DNAH9: variants seen among roughly 807,000 people sequenced by gnomAD.
DNAH9 encodes the protein dynein axonemal heavy chain 9.
DNAH9 carries 345 observed loss-of-function variants against 471.6 expected under a neutral mutation model. The observed-to-expected ratio is 0.73, with a 90% CI of 0.67 to 0.80. DNAH9 has a LOEUF of 0.80. Ranked by LOEUF, DNAH9 falls within the 30% of genes least tolerant of loss-of-function variation. DNAH9 has a pLI of 0.00. For synonymous variants in DNAH9, 2,093 were observed against 2,123.6 expected (o/e 0.99, Z 0.40); for missense variants, 5,407 against 5,609.2 (o/e 0.96, Z 1.15).
Position 11,606,443 on chromosome 17 carries a change from C to CTTTTTTTTTTT in DNAH9, c.418-1682_418-1681insTTTTTTTTTTT, listed in dbSNP as rs1404986645. Among the ~76,000 whole-genome samples, 524 of 69,106 alleles carry CTTTTTTTTTTT rather than the reference C, an allele frequency of 7.6e-3. 44 individuals are homozygous for CTTTTTTTTTTT. Among genetic ancestry groups the CTTTTTTTTTTT allele is most frequent in the Non-Finnish European group, 8.6e-3 (342 of 39,694 alleles). 45.3% of individuals were successfully genotyped at this position (69,106 alleles called of 152,430 possible). ...CTGACAACTTTCTTTCTTTTCTTTT[C>CTTTTTTTTTTT]TTTTCTTTTCTTTTTTTTTTTTTTG... On this transcript the variant is annotated intron_variant, in intron 1 of 68. Coordinates refer to ENST00000262442, the MANE Select transcript of DNAH9 (RefSeq NM_001372.4).
At chr17:11,815,198 TG>T (rs2150933197) in intron 45 of DNAH9, among the ~76,000 whole-genome samples, 1 of 18,602 alleles carries the variant, frequency 5.4e-5, no homozygotes, top group Non-Finnish European at 9.3e-4. Flanking sequence ...GGTAATAAAC[TG>T]TTTTTTTTTT....
chr17:11,694,861 CTTCCTTCCTTCTTTCT>C (rs1263209903), intron 22 of DNAH9, among the ~76,000 whole-genome samples: 1 of 444 alleles, frequency 2.3e-3, no homozygotes, highest in South Asian at 0.062. Context: ...TCCTTCCTTC[CTTCCTTCCTTCTTTCT>C]TTCTTTCTTT....
At position 11,756,655 on chromosome 17, in the gene DNAH9, C is replaced by A. The variant is rs1567778272; in HGVS notation, c.6826C>A (p.Pro2276Thr). The A allele has an allele frequency of 6.2e-7, 1 of 1,610,800 alleles. No individual in the cohort carries two copies. The highest frequency in any genetic ancestry group is 8.5e-7 in the Non-Finnish European group (1 of 1,176,986). ...GATCAGCCACCTGCGCACAGCCACT[C>A]CAGCAACTGTCTCTAGAGCAGGTAC... ...FEISHLRTAT[P>T]ATVSRAGILY... The change falls in exon 34 of 69, where the codon CCA becomes ACA. Residue 2276 changes from proline to threonine, a missense_variant. Coordinates refer to ENST00000262442, the MANE Select transcript of DNAH9 (RefSeq NM_001372.4).
At chr17:11,674,085 A>G (rs1022139843) in intron 17 of DNAH9, among the ~76,000 whole-genome samples, 14 of 152,182 alleles carry the variant, frequency 9.2e-5, no homozygotes, top group African/African-American at 3.1e-4. Flanking sequence ...CCTTAGATTA[A>G]TGTACCACAA....
intron 50 of DNAH9, among the ~76,000 whole-genome samples, chr17:11,862,800 C>A (rs1332991774): frequency 6.8e-6 from 1 of 146,760 alleles, no homozygotes; most frequent in African/African-American, 2.5e-5. Context: ...TGGGGGTTCA[C>A]TCATGATTTG....
rs554701984 is a variant in DNAH9, at chr17:11,617,571, G to T, written c.1065G>T (p.Pro355=). Residue 355 remains proline, a synonymous_variant, in exon 5 of 69, where the codon CCG becomes CCT. Transcript: ENST00000262442. ...IWATCKSYRS[P]GRLTVLLQEI... ...CCACATGCAAGTCCTACCGCTCCCC[G>T]GGAAGGCTGACTGTGCTGCTCCAGG... 4 of 1,613,950 alleles carry T rather than the reference G, an allele frequency of 2.5e-6. No homozygotes were observed. Among genetic ancestry groups the T allele is most frequent in the Non-Finnish European group, 3.4e-6 (4 of 1,180,030 alleles).
At chr17:11,956,086 T>C (rs1975623872) in intron 67 of DNAH9, among the ~76,000 whole-genome samples, 1 of 152,018 alleles carries the variant, frequency 6.6e-6, no homozygotes, top group African/African-American at 2.4e-5. Flanking sequence ...GCACAGCTGA[T>C]TACCAAAACA....
At chr17:11,895,075 A>G (rs1973180002) in intron 59 of DNAH9, among the ~76,000 whole-genome samples, 1 of 152,242 alleles carries the variant, frequency 6.6e-6, no homozygotes, top group Non-Finnish European at 1.5e-5. Flanking sequence ...CACGCTTACC[A>G]GAAGCCCAGA....
intron 26 of DNAH9, among the ~76,000 whole-genome samples, chr17:11,716,962 GA>G (rs1309457937): frequency 6.6e-6 from 1 of 152,246 alleles, no homozygotes; most frequent in Non-Finnish European, 1.5e-5. Context: ...CCTGGAGCCA[GA>G]AACTCAAGAG....
In DNAH9 at chr17:11,871,674, G is replaced by A. The variant is rs1972266726; in HGVS notation, c.10130G>A (p.Cys3377Tyr). The A allele has an allele frequency of 6.2e-7, 1 of 1,614,090 alleles. No homozygotes were observed. Among genetic ancestry groups the A allele is most frequent in the Non-Finnish European group, 8.5e-7 (1 of 1,180,044 alleles). The change falls in exon 52 of 69, where the codon TGT becomes TAT. Residue 3377 changes from cysteine (C) to tyrosine (Y), a missense_variant. Transcript: ENST00000262442. ...QNFKQQERTL[C>Y]GDILLITAFI... is the part of the protein sequence containing the mutation. Reference sequence around the variant, plus strand: ...TTCAAACAGCAGGAAAGGACGTTATGTGGAGACATTTTACTTATAACGGCT... The same window carrying A: ...TTCAAACAGCAGGAAAGGACGTTATATGGAGACATTTTACTTATAACGGCT...
Position 11,694,381 on chromosome 17 carries a change from G to C in DNAH9, c.4806G>C (p.Pro1602=), listed in dbSNP as rs145118078. The C allele has an allele frequency of 1.9e-6, 3 of 1,613,462 alleles. No individual in the cohort carries two copies. The South Asian group carries it at 3.3e-5, about 18-fold the overall frequency. Reference sequence around the variant, plus strand: ...TCGACACCAAGAGGCTTGCCTTCCCGCGGTTTTACTTTCTCTCCTCCTCCG... The same window carrying C: ...TCGACACCAAGAGGCTTGCCTTCCCCCGGTTTTACTTTCTCTCCTCCTCCG... ...EYLDTKRLAF[P]RFYFLSSSDL... The change falls in exon 22 of 69, where the codon CCG becomes CCC. Residue 1602 remains proline, a synonymous_variant. Coordinates refer to ENST00000262442, the MANE Select transcript of DNAH9 (RefSeq NM_001372.4).
intron 4 of DNAH9, among the ~76,000 whole-genome samples, chr17:11,614,049 A>G (rs1325000291): frequency 6.6e-6 from 1 of 152,204 alleles, no homozygotes; most frequent in Non-Finnish European, 1.5e-5. Context: ...GTGCCAGATA[A>G]ACACTACCAT....
intron 41 of DNAH9, among the ~76,000 whole-genome samples, chr17:11,792,728 C>T (rs1969107834): frequency 6.6e-6 from 1 of 152,176 alleles, no homozygotes; most frequent in African/African-American, 2.4e-5. Flanking sequence ...CAATTGTTAT[C>T]TGAATCAGTT....
rs773842478 is a variant in DNAH9 at position 11,805,523 on chromosome 17, CTTTTTTTTTTTTTTTTTTTTT to C, written c.8421-2187_8421-2167del. Reference sequence around the variant, plus strand: ...TATTTGGCCAAACTTTACCCGAGTTCTTTTTTTTTTTTTTTTTTTTTTTTTTTTTTTTTTTTTTTTTTGAGA... The same window carrying C: ...TATTTGGCCAAACTTTACCCGAGTTCTTTTTTTTTTTTTTTTTTTTTGAGA... On this transcript the variant is annotated intron_variant, in intron 43 of 68. Transcript: ENST00000262442. 3.1e-4 allele frequency among the ~76,000 whole-genome samples: 16 copies of C among 52,092 alleles called. No homozygotes were observed. In the East Asian group the frequency reaches 6.2e-3, roughly 20 times the overall value. The allele number at this position is 52,092 out of a possible 152,430, so 34.2% of individuals were successfully genotyped here. A position where few individuals can be genotyped will look rare whatever the true frequency, so the allele number is the denominator to read the frequency against.
chr17:11,766,511 G>A (rs1035948270), intron 36 of DNAH9, among the ~76,000 whole-genome samples: 8 of 152,112 alleles, frequency 5.3e-5, no homozygotes, highest in Admixed American at 2.0e-4. Flanking sequence ...AAAATGAAGC[G>A]AAGTAACACT....
Position 11,904,394 on chromosome 17 carries a change from G to T in DNAH9, c.11601-1267G>T, listed in dbSNP as rs150380848. 8.1e-4 allele frequency among the ~76,000 whole-genome samples: 124 copies of T among 152,170 alleles called. 1 individual carries two copies. The highest frequency in any genetic ancestry group is 1.8e-3 in the Admixed American group (28 of 15,284). ...GCCTATAATCCCAGCACTTTGTCAG[G>T]CCGAGGCAGGAGGATCACGAGGTCA... On this transcript the variant is annotated intron_variant, in intron 60 of 68. Coordinates refer to ENST00000262442, the MANE Select transcript of DNAH9 (RefSeq NM_001372.4).
chr17:11,822,529 T>A lies in DNAH9; in HGVS notation c.8942T>A (p.Phe2981Tyr). ...AIVNCTAIHW[F>Y]HEWPQQALES... ...GTGAACTGCACAGCCATCCACTGGT[T>A]CCACGAGTGGCCTCAGCAAGCATTG... The change falls in exon 47 of 69, where the codon TTC becomes TAC. Residue 2981 changes from phenylalanine to tyrosine, a missense_variant. Phe to Tyr is a conservative substitution (Grantham distance 22). Coordinates refer to ENST00000262442, the MANE Select transcript of DNAH9 (RefSeq NM_001372.4). 1 of 1,614,178 alleles carries A rather than the reference T, an allele frequency of 6.2e-7. No individual in the cohort carries two copies. Among genetic ancestry groups the A allele is most frequent in the East Asian group, 2.2e-5 (1 of 44,872 alleles).
intron 9 of DNAH9, among the ~76,000 whole-genome samples, chr17:11,639,192 G>A (rs961874496): frequency 2.6e-5 from 4 of 152,110 alleles, no homozygotes; most frequent in African/African-American, 9.7e-5. Flanking sequence ...CAAGGGTGAG[G>A]GTCATTGGGG....
intron 67 of DNAH9, among the ~76,000 whole-genome samples, chr17:11,944,542 T>C (rs1355361439): frequency 6.6e-6 from 1 of 152,034 alleles, no homozygotes; most frequent in Non-Finnish European, 1.5e-5. Flanking sequence ...TGAGCAACAG[T>C]GATAGGGTGA....
Sources: allele counts gnomAD v4.1 joint callset (sites outside exome capture counted in the v4.1 genomes callset), GRCh38; gene constraint gnomAD v4.1.1; transcripts MANE v1.5; gene names NCBI Gene and HGNC (gene_info 2026-07-23, HGNC 2026-07-21).